The following SYNE1 variants were observed in gnomAD, a reference collection of about 807,000 sequenced individuals.
SYNE1 encodes spectrin repeat containing nuclear envelope protein 1, also known as nesprin-1.
Under a neutral mutation model 1,111.0 loss-of-function variants are expected in SYNE1, and 616 were observed. That is an observed-to-expected ratio of 0.55 (90% CI 0.52 to 0.59). SYNE1 has a LOEUF of 0.59. Ranked by LOEUF, SYNE1 falls within the 20% of genes least tolerant of loss-of-function variation. The probability of loss-of-function intolerance (pLI) is 0.00; values close to 1 mark genes in which losing one functional copy is unlikely to be tolerated. For missense variants in SYNE1, 10,006 were observed against 10,417.0 expected, an observed-to-expected ratio of 0.96 and a Z score of 1.72; for synonymous variants, 3,855 against 3,825.8, an observed-to-expected ratio of 1.01 and a Z score of -0.28.
rs530241079 is a variant in SYNE1 at position 152,521,523 on chromosome 6, T to C, written c.226-981A>G. ...CTCTCCAACATTTGATTTTGACAGA[T>C]ACCTTAAACATACTTTTTTCAATTG... is the stretch of plus-strand genomic sequence containing the variant. On this transcript the variant is annotated intron_variant, in intron 5 of 145. Coordinates refer to ENST00000367255, the MANE Select transcript of SYNE1 (RefSeq NM_182961.4). 3.9e-5 allele frequency among the ~76,000 whole-genome samples: 6 copies of C among 152,326 alleles called. No individual in the cohort carries two copies. The South Asian group carries it at 1.0e-3, about 26-fold the overall frequency.
intron 95 of SYNE1, among the ~76,000 whole-genome samples, chr6:152,289,661 C>G (rs1043839249): frequency 1.3e-5 from 2 of 152,140 alleles, no homozygotes; most frequent in African/African-American, 4.8e-5. Context: ...GAGTCTCGCT[C>G]TGTCGCTCAG....
At position 152,520,531 on chromosome 6, in the gene SYNE1, T is replaced by G. The variant is rs1483747320; in HGVS notation, c.237A>C (p.Gln79His). Residue 79 changes from glutamine to histidine, a missense_variant, in exon 6 of 146, where the codon CAA (glutamine) becomes CAC (histidine). Physicochemically the swap from Gln to His is conservative, Grantham distance 24. Around this residue, in one of 7 missense-constraint regions of SYNE1, gnomAD observed 1,971 missense variants for 2,084.1 expected, o/e 0.95. Transcript: ENST00000367255. ...CATGGATTCGCTTCATCCGGCGTCCTTGTTCACAAGGCTGTAAAAAGTGGG... is the reference window on the plus strand; with the variant it reads ...CATGGATTCGCTTCATCCGGCGTCCGTGTTCACAAGGCTGTAAAAAGTGGG... ...VLSGQKLPCE[Q>H]GRRMKRIHAV... 1.2e-6 allele frequency: 2 copies of G among 1,613,564 alleles called. No homozygotes were observed. The highest frequency in any genetic ancestry group is 1.3e-5 in the African/African-American group (1 of 74,884).
At chr6:152,399,939 G>T in intron 47 of SYNE1, 116 bp from the exon 48 acceptor site, 2 of 1,184,048 alleles carry the variant, frequency 1.7e-6, no homozygotes, top group Non-Finnish European at 2.4e-6. Flanking sequence ...CCACTCCATG[G>T]TGTATACATT....
chr6:152,299,457 T>C (rs1243421641), intron 93 of SYNE1, among the ~76,000 whole-genome samples: 1 of 152,236 alleles, frequency 6.6e-6, no homozygotes, highest in Non-Finnish European at 1.5e-5. Flanking sequence ...ACATTGTTAT[T>C]ATCTGTCCCA....
chr6:152,244,088 A>T (rs1054757232), intron 106 of SYNE1, among the ~76,000 whole-genome samples: 1 of 152,212 alleles, frequency 6.6e-6, no homozygotes, highest in African/African-American at 2.4e-5. Flanking sequence ...TATATGGAGG[A>T]TAAACTATAG....
intron 3 of SYNE1, among the ~76,000 whole-genome samples, chr6:152,600,107 G>C (rs2099592639): frequency 6.6e-6 from 1 of 152,176 alleles, no homozygotes; most frequent in Non-Finnish European, 1.5e-5. Flanking sequence ...AAATGCAGTA[G>C]CAGTTGACAA....
intron 13 of SYNE1, 104 bp from the exon 14 acceptor site, chr6:152,483,353 G>T: frequency 2.0e-6 from 2 of 976,264 alleles, no homozygotes; most frequent in Non-Finnish European, 3.2e-6. Context: ...TTAAGTTAAT[G>T]ATTTCAGGCT....
intron 133 of SYNE1, 36 bp downstream of exon 133, chr6:152,154,856 C>G (rs758716558): frequency 1.2e-6 from 2 of 1,613,048 alleles, no homozygotes; most frequent in Non-Finnish European, 1.7e-6. Context: ...ACTTTAATAG[C>G]AAAATAAGGA....
chr6:152,336,744 G>T, intron 76 of SYNE1, 97 bp downstream of exon 76: 1 of 1,443,804 alleles, frequency 6.9e-7, no homozygotes, highest in Non-Finnish European at 9.6e-7. Flanking sequence ...AGGATTGACA[G>T]ACACTCAGGC....
At position 152,330,690 on chromosome 6, in the gene SYNE1, T is replaced by G. The variant is rs747117304; in HGVS notation, c.13995A>C (p.Lys4665Asn). ...IVALAKDKFY[K>N]VQEAILARKE... ...TCCGAGCAAGAATTGCTTCCTGGAC[T>G]TTATAGAACTTGTCTTTAGCCAAGG... Residue 4665 changes from lysine (K) to asparagine (N), a missense_variant, in exon 78 of 146, where the codon AAA becomes AAC. By Grantham distance (94) the Lys-to-Asn change is moderately conservative (BLOSUM62 0). Transcript: ENST00000367255. 4 of 1,613,922 alleles carry G rather than the reference T, an allele frequency of 2.5e-6. No individual in the cohort carries two copies. Among genetic ancestry groups the G allele is most frequent in the Non-Finnish European group, 3.4e-6 (4 of 1,180,048 alleles).
intron 29 of SYNE1, among the ~76,000 whole-genome samples, chr6:152,444,945 A>G (rs1028863980): frequency 6.6e-6 from 1 of 152,138 alleles, no homozygotes; most frequent in South Asian, 2.1e-4. Context: ...CACAAAGTCT[A>G]CCTCAACCAC....
chr6:152,421,479 T>C (rs531254966), intron 39 of SYNE1, among the ~76,000 whole-genome samples: 2 of 152,166 alleles, frequency 1.3e-5, no homozygotes, highest in East Asian at 1.9e-4. Flanking sequence ...TTGTCTTTGG[T>C]AGAAATTGGG....
chr6:152,428,499 C>G, intron 36 of SYNE1, 107 bp from the exon 37 acceptor site: 1 of 1,052,056 alleles, frequency 9.5e-7, no homozygotes, highest in Non-Finnish European at 1.4e-6. Flanking sequence ...TCATAATAAA[C>G]AGGAATAGCA....
At chr6:152,574,429 T>C (rs542439450) in intron 3 of SYNE1, among the ~76,000 whole-genome samples, 1 of 152,190 alleles carries the variant, frequency 6.6e-6, no homozygotes, top group South Asian at 2.1e-4. Context: ...GCCTTTCCTT[T>C]CTGCACCTGA....
intron 115 of SYNE1, among the ~76,000 whole-genome samples, chr6:152,228,544 A>G (rs1282951342): frequency 6.6e-6 from 1 of 152,230 alleles, no homozygotes; most frequent in Non-Finnish European, 1.5e-5. Context: ...TAAGAGAGAG[A>G]AAAAGTAAAG....
At chr6:152,164,469 A>C in intron 130 of SYNE1, 144 bp from the exon 131 acceptor site, 1 of 953,076 alleles carries the variant, frequency 1.0e-6, no homozygotes, top group Non-Finnish European at 1.6e-6. Flanking sequence ...ACAGAAGACA[A>C]AGGAGGATAG....
chr6:152,250,273 A>G (rs915491368), intron 104 of SYNE1, among the ~76,000 whole-genome samples: 1 of 152,082 alleles, frequency 6.6e-6, no homozygotes, highest in Non-Finnish European at 1.5e-5. Context: ...AAATTACCAA[A>G]AAAATGTATT....
intron 143 of SYNE1, among the ~76,000 whole-genome samples, chr6:152,132,534 A>C (rs1006404695): frequency 5.9e-5 from 9 of 152,372 alleles, no homozygotes; most frequent in Non-Finnish European, 1.2e-4. Context: ...TGGGAGGGGA[A>C]GACACCTGCT....
chr6:152,459,041 CT>C, intron 21 of SYNE1, 111 bp from the exon 22 acceptor site: 1 of 937,178 alleles, frequency 1.1e-6, no homozygotes, highest in Non-Finnish European at 1.7e-6. Context: ...TCATTTGGTG[CT>C]TACAAATATC....
Sources: allele counts gnomAD v4.1 joint callset (sites outside exome capture counted in the v4.1 genomes callset), GRCh38; gene constraint gnomAD v4.1.1; regional missense constraint gnomAD v4.1.1; transcripts MANE v1.5; gene names NCBI Gene and HGNC (gene_info 2026-07-23, HGNC 2026-07-21).